Variants in MAP7 observed in about 807,000 individuals in gnomAD.
MAP7 encodes ensconsin.
A neutral mutation model predicts 94.8 loss-of-function variants in MAP7; 52 were observed. That is an observed-to-expected ratio of 0.55 (90% CI 0.44 to 0.69). The LOEUF is 0.69. Ranked by LOEUF, MAP7 falls within the 30% of genes least tolerant of loss-of-function variation. The probability of loss-of-function intolerance (pLI) is 0.00; values close to 1 mark genes in which losing one functional copy is unlikely to be tolerated. For synonymous variants in MAP7, 350 were observed against 357.0 expected (o/e 0.98, Z 0.22); for missense variants, 940 against 964.6 (o/e 0.97, Z 0.34).
chr6:136,434,045 A>C (rs1330854947), intron 1 of MAP7, among the ~76,000 whole-genome samples: 5 of 152,200 alleles, frequency 3.3e-5, no homozygotes, highest in Non-Finnish European at 4.4e-5. Flanking sequence ...GGTGGCTCAC[A>C]CCTGTAACCA....
At chr6:136,421,134 T>C (rs769024880) in intron 2 of MAP7, among the ~76,000 whole-genome samples, 2 of 152,232 alleles carry the variant, frequency 1.3e-5, no homozygotes, top group Non-Finnish European at 2.9e-5. Context: ...CTTCTTTGTA[T>C]CACTGAATGA....
chr6:136,508,801 A>G (rs1583099687), intron 1 of MAP7, among the ~76,000 whole-genome samples: 2 of 152,206 alleles, frequency 1.3e-5, no homozygotes, highest in South Asian at 4.1e-4. Context: ...GAAATAGGAA[A>G]TTTACCTACT....
chr6:136,514,347 G>A (rs1408212087), intron 1 of MAP7, among the ~76,000 whole-genome samples: 6 of 152,062 alleles, frequency 3.9e-5, no homozygotes, highest in Non-Finnish European at 8.8e-5. Flanking sequence ...CACGTTGGGA[G>A]GCCAAGGCAA....
intron 16 of MAP7, among the ~76,000 whole-genome samples, chr6:136,352,687 AC>A (rs1437366084): frequency 1.3e-4 from 20 of 152,180 alleles, no homozygotes; most frequent in African/African-American, 4.6e-4. Flanking sequence ...GATACAGTAA[AC>A]ATAATAGGAG....
At chr6:136,524,269 A>G (rs1688755177) in intron 1 of MAP7, among the ~76,000 whole-genome samples, 1 of 151,804 alleles carries the variant, frequency 6.6e-6, no homozygotes, top group African/African-American at 2.4e-5. Flanking sequence ...AAAGAAAATT[A>G]TTAAGAATAA....
intron 3 of MAP7, among the ~76,000 whole-genome samples, chr6:136,401,552 G>A (rs1784083655): frequency 6.6e-6 from 1 of 152,148 alleles, no homozygotes; most frequent in Admixed American, 6.5e-5. Context: ...AACACCGCAT[G>A]TTCTCACTCA....
At position 136,419,434 on chromosome 6, in the gene MAP7, T is replaced by G. The variant is rs116389596; in HGVS notation, c.166+2267A>C. 6.7e-3 allele frequency among the ~76,000 whole-genome samples: 1,014 copies of G among 152,330 alleles called. 17 individuals are homozygous for G. Among genetic ancestry groups the G allele is most frequent in the African/African-American group, 0.023 (968 of 41,562 alleles). On this transcript the variant is annotated intron_variant, in intron 2 of 17. Coordinates refer to ENST00000354570, the MANE Select transcript of MAP7 (RefSeq NM_003980.6). ...ATTTTATTTTTTTGAAACACATTTA[T>G]TCATCTTTTTAATCCTCGTGGCTCA...
chr6:136,539,439 C>T (rs911349125), intron 1 of MAP7, among the ~76,000 whole-genome samples: 41 of 152,352 alleles, frequency 2.7e-4, no homozygotes, highest in African/African-American at 9.9e-4. Context: ...CAGCCTCACA[C>T]ATGCTCAGTT....
intron 3 of MAP7, among the ~76,000 whole-genome samples, chr6:136,406,665 A>G (rs1387254742): frequency 2.6e-5 from 4 of 152,190 alleles, no homozygotes; most frequent in African/African-American, 9.6e-5. Context: ...TACTAAAAAT[A>G]CAAAAATTAG....
intron 1 of MAP7, among the ~76,000 whole-genome samples, chr6:136,479,965 T>A (rs558262335): frequency 1.4e-3 from 208 of 152,296 alleles, no homozygotes; most frequent in South Asian, 2.9e-3. Flanking sequence ...AAAATACCAA[T>A]GACATTCTTC....
intron 1 of MAP7, among the ~76,000 whole-genome samples, chr6:136,483,076 T>C (rs533380140): frequency 1.3e-4 from 19 of 148,948 alleles, no homozygotes; most frequent in African/African-American, 4.2e-4. Flanking sequence ...GTTTTAGTTG[T>C]ATATATATTT....
At chr6:136,379,254 T>G (rs1777082851) in intron 6 of MAP7, among the ~76,000 whole-genome samples, 1 of 152,220 alleles carries the variant, frequency 6.6e-6, no homozygotes, top group South Asian at 2.1e-4. Flanking sequence ...TGGAATGAAG[T>G]ATCAATTTCC....
At chr6:136,346,612 C>T (rs1464833436) in intron 16 of MAP7, among the ~76,000 whole-genome samples, 3 of 152,120 alleles carry the variant, frequency 2.0e-5, no homozygotes, top group South Asian at 2.1e-4. Flanking sequence ...TGAAAATTAT[C>T]AAATAGAACA....
Position 136,362,525 on chromosome 6 carries a change from G to A in MAP7, c.1451C>T (p.Ala484Val). The change falls in exon 11 of 18, where the codon GCT becomes GTT. Residue 484 changes from alanine (A) to valine (V), a missense_variant. Transcript: ENST00000354570. The stretch of plus-strand genomic sequence containing the variant: ...CTCTCGGGCCAGCCGCCTCTTCTCA[G>A]CTAGAAGCCTTGTGGCCTCCTCTGG... ...TDPEEATRLL[A>V]EKRRLAREQR... 6.2e-7 allele frequency: 1 copy of A among 1,614,090 alleles called. No homozygotes were observed. Among genetic ancestry groups the A allele is most frequent in the South Asian group, 1.1e-5 (1 of 91,070 alleles).
intron 1 of MAP7, among the ~76,000 whole-genome samples, chr6:136,540,774 T>C (rs996290243): frequency 2.6e-5 from 4 of 152,192 alleles, no homozygotes; most frequent in African/African-American, 4.8e-5. Context: ...CCAGACCATC[T>C]GGGGAATTTT....
At chr6:136,389,635 T>G in intron 3 of MAP7, 118 bp from the exon 4 acceptor site, 1 of 874,406 alleles carries the variant, frequency 1.1e-6, no homozygotes, top group Non-Finnish European at 1.8e-6. Flanking sequence ...GTTCTTTAGT[T>G]TTGTATTAAC....
At chr6:136,428,878 A>T (rs1794064862) in intron 1 of MAP7, among the ~76,000 whole-genome samples, 1 of 152,088 alleles carries the variant, frequency 6.6e-6, no homozygotes, top group South Asian at 2.1e-4. Flanking sequence ...AACATGAGAT[A>T]TTTTTTCTCT....
At chr6:136,359,097 T>C (rs1236092020) in intron 15 of MAP7, among the ~76,000 whole-genome samples, 2 of 151,656 alleles carry the variant, frequency 1.3e-5, no homozygotes, top group Admixed American at 6.6e-5. Context: ...TTAATATTAA[T>C]TTAATCTGAG....
intron 1 of MAP7, among the ~76,000 whole-genome samples, chr6:136,437,527 G>C (rs543105570): frequency 1.3e-5 from 2 of 152,142 alleles, no homozygotes; most frequent in South Asian, 4.2e-4. Context: ...TCTATGCTGG[G>C]GTTATAAAAA....
Sources: allele counts gnomAD v4.1 joint callset (sites outside exome capture counted in the v4.1 genomes callset), GRCh38; gene constraint gnomAD v4.1.1; transcripts MANE v1.5; gene names NCBI Gene and HGNC (gene_info 2026-07-23, HGNC 2026-07-21).